COBL: variants seen among roughly 807,000 people sequenced by gnomAD.
COBL encodes cordon-bleu WH2 repeat protein.
In COBL, 51 loss-of-function variants were observed where a neutral mutation model predicts 98.8. The ratio of observed to expected loss-of-function variants is 0.52; its 90% CI spans 0.41 to 0.65. The LOEUF (loss-of-function observed/expected upper bound fraction) is 0.65. Ranked by LOEUF, COBL falls within the 30% of genes least tolerant of loss-of-function variation. The pLI is 0.00. For missense variants in COBL, 1,617 were observed against 1,617.5 expected (o/e 1.00, Z 0.01); for synonymous variants, 634 against 651.7 (o/e 0.97, Z 0.41).
chr7:51,095,441 A>G (rs1795186910), intron 6 of COBL, among the ~76,000 whole-genome samples: 1 of 152,228 alleles, frequency 6.6e-6, no homozygotes, highest in Non-Finnish European at 1.5e-5. Flanking sequence ...AATACAAAGG[A>G]GAGTGCCAAC....
intron 9 of COBL, 98 bp from the exon 10 acceptor site, chr7:51,029,689 A>G: frequency 2.0e-6 from 2 of 994,884 alleles, no homozygotes; most frequent in Non-Finnish European, 2.9e-6. Flanking sequence ...TTACTTTTGA[A>G]TACATTATTT....
intron 5 of COBL, among the ~76,000 whole-genome samples, chr7:51,153,232 C>T (rs961528538): frequency 6.6e-6 from 1 of 152,168 alleles, no homozygotes; most frequent in South Asian, 2.1e-4. Flanking sequence ...AAAAGTTGGT[C>T]TTAGGCTTTA....
intron 1 of COBL, among the ~76,000 whole-genome samples, chr7:51,280,017 C>A (rs1216162033): frequency 6.6e-6 from 1 of 152,028 alleles, no homozygotes; most frequent in South Asian, 2.1e-4. Context: ...TAAGAAAAAT[C>A]ATTTAGATGG....
At chr7:51,109,262 A>T (rs1796616230) in intron 6 of COBL, among the ~76,000 whole-genome samples, 1 of 151,860 alleles carries the variant, frequency 6.6e-6, no homozygotes, top group African/African-American at 2.4e-5. Flanking sequence ...CCCAACTACC[A>T]CCTACTGGTG....
At chr7:51,156,254 C>G (rs1786121376) in intron 5 of COBL, 1 of 984,978 alleles carries the variant, frequency 1.0e-6, no homozygotes, top group Non-Finnish European at 1.2e-6. Context: ...CTTTCTTACC[C>G]TTTTATTTTT....
At chr7:51,040,522 G>T (rs1214890648) in intron 8 of COBL, among the ~76,000 whole-genome samples, 3 of 152,226 alleles carry the variant, frequency 2.0e-5, no homozygotes, top group Non-Finnish European at 4.4e-5. Context: ...TATGCAACAT[G>T]CATGGTATCA....
chr7:51,245,182 G>A lies in COBL; in HGVS notation c.42-25238C>T, dbSNP rs1279722958. On this transcript the variant is annotated intron_variant, in intron 1 of 12. Transcript: ENST00000265136. Reference sequence around the variant, plus strand: ...TGATGACCTTCCCTGCCTCCCACACGCCCTTCTCCTGCAAGTCCACAGCTC... The same window carrying A: ...TGATGACCTTCCCTGCCTCCCACACACCCTTCTCCTGCAAGTCCACAGCTC... Among the ~76,000 whole-genome samples, 4 of 151,938 alleles carry A rather than the reference G, an allele frequency of 2.6e-5. No homozygotes were observed. The East Asian group carries it at 5.8e-4, about 22-fold the overall frequency.
chr7:51,029,155 C>T lies in COBL; in HGVS notation c.1941G>A (p.Val647=), dbSNP rs138522978. 2,516 of 1,614,184 alleles carry T rather than the reference C, an allele frequency of 1.6e-3. 4 individuals are homozygous for T. Among genetic ancestry groups the T allele is most frequent in the Non-Finnish European group, 2.0e-3 (2,336 of 1,180,032 alleles). Reference sequence around the variant, plus strand: ...CAGCACAGCCATACACTTTGTCTTTCACTTTTGCATTTAGGTTGTCTGTGT... The same window carrying T: ...CAGCACAGCCATACACTTTGTCTTTTACTTTTGCATTTAGGTTGTCTGTGT... ...NLHTDNLNAK[V]KDKVYGCADG... The change falls in exon 10 of 13, where the codon GTG becomes GTA. Residue 647 remains valine (V), a synonymous_variant. Coordinates refer to ENST00000265136, the MANE Select transcript of COBL (RefSeq NM_015198.5).
intron 1 of COBL, among the ~76,000 whole-genome samples, chr7:51,284,822 G>A (rs571262216): frequency 4.1e-5 from 6 of 145,236 alleles, no homozygotes; most frequent in Admixed American, 2.1e-4. Flanking sequence ...GCAAGACTCC[G>A]TCTCAAAAAA....
In COBL at chr7:51,029,212, C is replaced by G; in HGVS notation, c.1884G>C (p.Ala628=). The G allele has an allele frequency of 6.2e-7, 1 of 1,614,028 alleles. No individual in the cohort carries two copies. The highest frequency in any genetic ancestry group is 8.5e-7 in the Non-Finnish European group (1 of 1,179,966). ...TCGAAGCAAAAGAAGTCACCCTGGG[C>G]GCCGTTTCCATTAGATTCCCATCTT... is the stretch of plus-strand genomic sequence containing the variant. ...ISKDGNLMET[A]PRVTSFASNL... Residue 628 remains alanine (A), a synonymous_variant, in exon 10 of 13, where the codon GCG becomes GCC. Coordinates refer to ENST00000265136, the MANE Select transcript of COBL (RefSeq NM_015198.5).
At chr7:51,219,990 T>C (rs1793474817) in intron 1 of COBL, 46 bp from the exon 2 acceptor site, 2 of 1,552,184 alleles carry the variant, frequency 1.3e-6, no homozygotes, top group African/African-American at 1.4e-5. Flanking sequence ...GCAATGTTCC[T>C]ACCTGCCTCG....
intron 1 of COBL, among the ~76,000 whole-genome samples, chr7:51,283,065 TAA>T (rs2129178341): frequency 6.6e-6 from 1 of 152,250 alleles, no homozygotes; most frequent in South Asian, 2.1e-4. Flanking sequence ...ACTGCGTATA[TAA>T]GAGAGGAAAA....
chr7:51,263,512 C>T (rs1797904875), intron 1 of COBL, among the ~76,000 whole-genome samples: 1 of 152,014 alleles, frequency 6.6e-6, no homozygotes, highest in South Asian at 2.1e-4. Context: ...GAGCTATGAA[C>T]CAAGACAATA....
chr7:51,285,493 T>C lies in COBL; in HGVS notation c.41+31100A>G, dbSNP rs78266524. On this transcript the variant is annotated intron_variant, in intron 1 of 12. Coordinates refer to ENST00000265136, the MANE Select transcript of COBL (RefSeq NM_015198.5). ...ATATTTCTATACTAACAATCCATAA[T>C]TAGGAATTAAAATTTTAAAATGCCA... 2.4e-4 allele frequency among the ~76,000 whole-genome samples: 37 copies of C among 151,808 alleles called. No individual in the cohort carries two copies. In the East Asian group the frequency reaches 6.8e-3, roughly 28 times the overall value.
chr7:51,301,109 G>A (rs576735726), intron 1 of COBL, among the ~76,000 whole-genome samples: 11 of 152,186 alleles, frequency 7.2e-5, no homozygotes, highest in South Asian at 4.1e-4. Flanking sequence ...TACACGCACC[G>A]CGCAGGCTGC....
Position 51,028,057 on chromosome 7 carries a change from T to C in COBL, c.3039A>G (p.Arg1013=), listed in dbSNP as rs1400380581. 2 of 1,611,940 alleles carry C rather than the reference T, an allele frequency of 1.2e-6. No homozygotes were observed. The highest frequency in any genetic ancestry group is 1.7e-6 in the Non-Finnish European group (2 of 1,178,994). Residue 1013 remains arginine (R), a synonymous_variant, in exon 10 of 13, where the codon AGA becomes AGG. Coordinates refer to ENST00000265136, the MANE Select transcript of COBL (RefSeq NM_015198.5). ...GTGGGTCTGTACCATCAGGTGCGCG[T>C]CTGGGCTCAGATGCTGAGCTGGCCT... ...SQEASSASEP[R]RAPDGTDPPP...
At chr7:51,048,071 G>C (rs569142922) in intron 7 of COBL, among the ~76,000 whole-genome samples, 1 of 152,230 alleles carries the variant, frequency 6.6e-6, no homozygotes, top group African/African-American at 2.4e-5. Flanking sequence ...GGAAGTTGAG[G>C]CAGAGAATTG....
intron 2 of COBL, among the ~76,000 whole-genome samples, chr7:51,196,209 G>C (rs1173497692): frequency 6.6e-6 from 1 of 152,124 alleles, no homozygotes; most frequent in Non-Finnish European, 1.5e-5. Flanking sequence ...TAACATGAAG[G>C]GATGTTGAAT....
At chr7:51,067,168 C>T (rs1792016900) in intron 7 of COBL, among the ~76,000 whole-genome samples, 1 of 152,208 alleles carries the variant, frequency 6.6e-6, no homozygotes, top group African/African-American at 2.4e-5. Context: ...AATATAGCCA[C>T]ATACTGTCCT....
Sources: gnomAD v4.1 joint callset for allele counts (sites outside exome capture counted in the v4.1 genomes callset) on GRCh38, gnomAD v4.1.1 for gene constraint, MANE v1.5 for transcripts, NCBI Gene and HGNC (gene_info 2026-07-23, HGNC 2026-07-21) for gene names.